The following LPIN2 variants were observed in gnomAD, a reference collection of about 807,000 sequenced individuals.
The protein encoded by LPIN2 is phosphatidate phosphatase LPIN2.
A neutral mutation model predicts 111.4 loss-of-function variants in LPIN2; 55 were observed. The ratio of observed to expected loss-of-function variants is 0.49; its 90% confidence interval spans 0.40 to 0.62. The LOEUF is 0.62. LPIN2 is among the 20% of genes least tolerant of loss of function. The pLI, the probability that LPIN2 is intolerant of heterozygous loss-of-function variation, is 0.00. For missense variants in LPIN2, 992 were observed against 1,112.1 expected (o/e 0.89, Z 1.54); for synonymous variants, 425 against 414.0 (o/e 1.03, Z -0.32).
At chr18:2,922,287 TC>T in intron 16 of LPIN2, 88 bp from the exon 17 acceptor site, 2 of 1,483,154 alleles carry the variant, frequency 1.3e-6, no homozygotes, top group African/African-American at 1.4e-5. Flanking sequence ...CACTTTTCTT[TC>T]TTTTTTTTTT....
chr18:2,957,996 G>C (rs949603852), intron 2 of LPIN2, among the ~76,000 whole-genome samples: 1 of 151,262 alleles, frequency 6.6e-6, no homozygotes, highest in African/African-American at 2.4e-5. Context: ...ACAAAAAGCA[G>C]CCAGGCGTGG....
chr18:2,974,675 A>C (rs1490914784), intron 1 of LPIN2, among the ~76,000 whole-genome samples: 1 of 152,112 alleles, frequency 6.6e-6, no homozygotes, highest in Non-Finnish European at 1.5e-5. Flanking sequence ...AAAAGTGGAG[A>C]GGGCACTAAC....
intron 5 of LPIN2, 40 bp from the exon 6 acceptor site, chr18:2,939,643 G>C: frequency 6.2e-7 from 1 of 1,607,470 alleles, no homozygotes; most frequent in South Asian, 1.1e-5. Flanking sequence ...TTGAAAGTCG[G>C]GAAACCTTCA....
chr18:2,966,215 G>A (rs906549941), intron 1 of LPIN2, among the ~76,000 whole-genome samples: 1 of 152,218 alleles, frequency 6.6e-6, no homozygotes, highest in Non-Finnish European at 1.5e-5. Flanking sequence ...GAGATTACAA[G>A]TGTGAGCCAC....
intron 1 of LPIN2, among the ~76,000 whole-genome samples, chr18:2,971,044 G>A (rs888387203): frequency 1.3e-5 from 2 of 152,166 alleles, no homozygotes; most frequent in Admixed American, 6.5e-5. Context: ...TTTACTCAAC[G>A]ACAGTGTCTA....
At chr18:2,972,528 T>C (rs566389064) in intron 1 of LPIN2, 3 of 152,294 alleles carry the variant, frequency 2.0e-5, no homozygotes, top group East Asian at 1.9e-4. Flanking sequence ...CTGGAAACAA[T>C]AGTTTAATTT....
In LPIN2 at chr18:2,918,899, TG is replaced by T. The variant is rs1244136385; in HGVS notation, c.*1393del. On this transcript the variant is annotated 3_prime_UTR_variant, in exon 20 of 20. Coordinates refer to ENST00000677752, the MANE Select transcript of LPIN2 (RefSeq NM_001375808.2). The stretch of plus-strand genomic sequence containing the variant: ...ACGAGACCACCCCGAGCGCCAAGCC[TG>T]TATCTGCAGATCCCTCTCTGCTCAG... 2.0e-5 allele frequency: 3 copies of T among 152,214 alleles called. No individual in the cohort carries two copies. Among genetic ancestry groups the T allele is most frequent in the Non-Finnish European group, 2.9e-5 (2 of 68,034 alleles). 9.4% of individuals were successfully genotyped at this position (152,214 alleles called of 1,614,324 possible).
rs560862877 is a variant in LPIN2 at position 2,970,533 on chromosome 18, A to G, written c.-9-9684T>C. On this transcript the variant is annotated intron_variant, in intron 1 of 19. Coordinates refer to ENST00000677752, the MANE Select transcript of LPIN2 (RefSeq NM_001375808.2). The stretch of plus-strand genomic sequence containing the variant: ...CATCTCTCTGAACGATGAGCCAGTC[A>G]TAAGTTTCTTTGCGTGGTTGTTCAG... Among the ~76,000 whole-genome samples the G allele has an allele frequency of 2.8e-3, 421 of 152,360 alleles. 1 individual carries two copies. Among genetic ancestry groups the G allele is most frequent in the African/African-American group, 9.4e-3 (391 of 41,598 alleles).
chr18:2,944,197 T>C (rs1043773112), intron 4 of LPIN2, among the ~76,000 whole-genome samples: 10 of 151,578 alleles, frequency 6.6e-5, no homozygotes, highest in African/African-American at 2.4e-4. Flanking sequence ...TAATCAACAC[T>C]GTATCACTAG....
intron 1 of LPIN2, among the ~76,000 whole-genome samples, chr18:3,002,771 A>C (rs1444091645): frequency 6.6e-6 from 1 of 152,232 alleles, no homozygotes; most frequent in African/African-American, 2.4e-5. Context: ...TAAAAATATA[A>C]GCCCAGAGCT....
At chr18:2,922,387 G>T (rs1288880051) in intron 16 of LPIN2, among the ~76,000 whole-genome samples, 188 bp from the exon 17 acceptor site, 1 of 151,670 alleles carries the variant, frequency 6.6e-6, no homozygotes, top group Non-Finnish European at 1.5e-5. Flanking sequence ...CAATTCTCCT[G>T]CCTCAGCCTC....
intron 4 of LPIN2, among the ~76,000 whole-genome samples, chr18:2,943,870 C>T (rs2077403941): frequency 6.6e-6 from 1 of 152,122 alleles, no homozygotes; most frequent in South Asian, 2.1e-4. Context: ...ATATTAACTA[C>T]AACTAAGTTA....
intron 1 of LPIN2, among the ~76,000 whole-genome samples, chr18:2,965,384 C>T (rs2143244116): frequency 6.6e-6 from 1 of 152,288 alleles, no homozygotes; most frequent in African/African-American, 2.4e-5. Flanking sequence ...GCATCTTTTG[C>T]TGAGCATCAA....
intron 1 of LPIN2, among the ~76,000 whole-genome samples, chr18:2,994,858 A>G (rs1598607532): frequency 6.6e-6 from 1 of 152,162 alleles, no homozygotes; most frequent in East Asian, 1.9e-4. Context: ...GTTTAAACAG[A>G]TGGTATATGG....
chr18:2,946,519 G>A, intron 4 of LPIN2: 2 of 1,564,276 alleles, frequency 1.3e-6, no homozygotes, highest in Non-Finnish European at 1.8e-6. Flanking sequence ...AGCTCCGGTT[G>A]TAGCACAGCA....
chr18:2,938,313 C>T (rs1248291000), intron 6 of LPIN2, among the ~76,000 whole-genome samples: 1 of 152,138 alleles, frequency 6.6e-6, no homozygotes, highest in Non-Finnish European at 1.5e-5. Context: ...CACTTGAGGT[C>T]AGGAGTTCGA....
At position 2,931,576 on chromosome 18, in the gene LPIN2, A is replaced by G. The variant is rs1598532089; in HGVS notation, c.1269-133T>C. Reference sequence around the variant, plus strand: ...AGAACGGATGGACCTACAATCAGGCATAACTTTTCTTAGATAGGGTTTAGA... The same window carrying G: ...AGAACGGATGGACCTACAATCAGGCGTAACTTTTCTTAGATAGGGTTTAGA... On this transcript the variant is annotated intron_variant, in intron 8 of 19. Coordinates refer to ENST00000677752, the MANE Select transcript of LPIN2 (RefSeq NM_001375808.2). 5.8e-5 allele frequency: 48 copies of G among 823,518 alleles called. No homozygotes were observed. The East Asian group carries it at 1.2e-3, about 21-fold the overall frequency. 51.0% of individuals were successfully genotyped at this position (823,518 alleles called of 1,614,324 possible). A position where few individuals can be genotyped will look rare whatever the true frequency, so the allele number is the denominator to read the frequency against.
At chr18:3,008,516 C>T (rs1335956426) in intron 1 of LPIN2, among the ~76,000 whole-genome samples, 1 of 152,186 alleles carries the variant, frequency 6.6e-6, no homozygotes, top group Non-Finnish European at 1.5e-5. Context: ...TAGGTAAATG[C>T]AGAAATTCAA....
intron 3 of LPIN2, among the ~76,000 whole-genome samples, chr18:2,952,872 A>T (rs547650121): frequency 6.6e-6 from 1 of 152,246 alleles, no homozygotes; most frequent in African/African-American, 2.4e-5. Flanking sequence ...CAGCTATTAA[A>T]AGCACAGAGT....
Sources: gnomAD v4.1 joint callset for allele counts (sites outside exome capture counted in the v4.1 genomes callset) on GRCh38, gnomAD v4.1.1 for gene constraint, MANE v1.5 for transcripts, NCBI Gene and HGNC (gene_info 2026-07-23, HGNC 2026-07-21) for gene names.